The following CCNJL variants were observed in gnomAD, a reference collection of about 807,000 sequenced individuals.
CCNJL encodes the protein cyclin J like, also known as cyclin-J-like protein.
In CCNJL, 33 loss-of-function variants were observed where a neutral mutation model predicts 33.4. That is an observed-to-expected ratio of 0.99 (90% CI 0.75 to 1.32). The LOEUF (loss-of-function observed/expected upper bound fraction) is 1.32. CCNJL is among the 40% of genes most tolerant of loss of function. The probability of loss-of-function intolerance (pLI) is 0.00; values close to 1 mark genes in which losing one functional copy is unlikely to be tolerated. For synonymous variants in CCNJL, 227 were observed against 220.9 expected (o/e 1.03, Z -0.24); for missense variants, 512 against 499.7 (o/e 1.02, Z -0.23).
At chr5:160,258,912 G>C (rs934499486) in intron 4 of CCNJL, among the ~76,000 whole-genome samples, 2 of 152,132 alleles carry the variant, frequency 1.3e-5, no homozygotes, top group East Asian at 3.9e-4. Context: ...GGCCAGGATG[G>C]TCCCGATCTC....
intron 1 of CCNJL, among the ~76,000 whole-genome samples, chr5:160,326,203 G>A (rs1763533472): frequency 6.6e-6 from 1 of 151,966 alleles, no homozygotes; most frequent in African/African-American, 2.4e-5. Flanking sequence ...GTGGGGTGTG[G>A]GTAGGACAAG....
intron 2 of CCNJL, among the ~76,000 whole-genome samples, chr5:160,310,219 A>G (rs1763218480): frequency 6.6e-6 from 1 of 152,276 alleles, no homozygotes; most frequent in East Asian, 1.9e-4. Flanking sequence ...CCTCCTCCAG[A>G]AAAGGGCCAG....
At chr5:160,322,399 C>A (rs1441872361) in intron 1 of CCNJL, among the ~76,000 whole-genome samples, 1 of 152,134 alleles carries the variant, frequency 6.6e-6, no homozygotes, top group African/African-American at 2.4e-5. Flanking sequence ...ACCCCAGATT[C>A]CTTCTTTCCA....
At chr5:160,309,776 A>G (rs1763205638) in intron 2 of CCNJL, among the ~76,000 whole-genome samples, 1 of 152,202 alleles carries the variant, frequency 6.6e-6, no homozygotes, top group Non-Finnish European at 1.5e-5. Context: ...CATTATAACC[A>G]AAGGAACTTG....
chr5:160,303,350 C>A (rs28481746), intron 2 of CCNJL, among the ~76,000 whole-genome samples: 8,149 of 152,044 alleles, frequency 0.054, 772 homozygotes, highest in African/African-American at 0.19. Flanking sequence ...GGATTACAGG[C>A]ACTCATCACC....
rs1763299625 is a variant in CCNJL, at chr5:160,312,418, C to G, written c.-104G>C. On this transcript the variant is annotated 5_prime_UTR_variant, in exon 1 of 6. Coordinates refer to ENST00000257536, the MANE Select transcript of CCNJL (RefSeq NM_001308173.3). Reference sequence around the variant, plus strand: ...GCGCCGGGCCCCTCCCAGTGCCGAGCCAGCCGTGCCCTCTGGTGCCTGCCG... The same window carrying G: ...GCGCCGGGCCCCTCCCAGTGCCGAGGCAGCCGTGCCCTCTGGTGCCTGCCG... 1 of 154,328 alleles carries G rather than the reference C, an allele frequency of 6.5e-6. No individual in the cohort carries two copies. The highest frequency in any genetic ancestry group is 2.4e-5 in the African/African-American group (1 of 41,458). The allele number at this position is 154,328 out of a possible 1,614,324, so 9.6% of individuals were successfully genotyped here.
At chr5:160,313,722 A>G (rs1359035243), upstream of CCNJL, among the ~76,000 whole-genome samples, 1 of 152,242 alleles carries the variant, frequency 6.6e-6, no homozygotes. Context: ...GCTTGAAGGA[A>G]TAGAGGCACA....
upstream of CCNJL, among the ~76,000 whole-genome samples, chr5:160,316,709 C>T (rs1763385148): frequency 6.6e-6 from 1 of 152,190 alleles, no homozygotes; most frequent in Non-Finnish European, 1.5e-5. Flanking sequence ...AGGTAGCATA[C>T]TCTACACATC....
At chr5:160,270,210 G>A (rs1761776926) in intron 3 of CCNJL, among the ~76,000 whole-genome samples, 4 of 152,092 alleles carry the variant, frequency 2.6e-5, no homozygotes, top group South Asian at 4.1e-4. Context: ...TTGGGAGGCC[G>A]GGGCGGGCAG....
chr5:160,328,024 T>C (rs1043257445), intron 1 of CCNJL, among the ~76,000 whole-genome samples: 2 of 152,158 alleles, frequency 1.3e-5, no homozygotes, highest in Non-Finnish European at 2.9e-5. Flanking sequence ...AATCCAGCCA[T>C]GCCCCGGCTA....
chr5:160,311,977 G>T lies in CCNJL; in HGVS notation c.-49-5C>A. 6.5e-7 allele frequency: 1 copy of T among 1,544,496 alleles called. No homozygotes were observed. Among genetic ancestry groups the T allele is most frequent in the South Asian group, 1.1e-5 (1 of 89,652 alleles). On this transcript the variant is annotated splice_region_variant and splice_polypyrimidine_tract_variant and intron_variant, in intron 1 of 5. Transcript: ENST00000257536. ...ACCCGGCTCTCAGGGCGCACCCTGCGTGGACACGGGCAACTTCAGCGGCCA... is the reference window on the plus strand; with the variant it reads ...ACCCGGCTCTCAGGGCGCACCCTGCTTGGACACGGGCAACTTCAGCGGCCA...
rs1257939139 is a variant in CCNJL at position 160,251,963 on chromosome 5, C to T, written c.*1415G>A. On this transcript the variant is annotated 3_prime_UTR_variant, in exon 6 of 6. Transcript: ENST00000257536. ...AGATTCACCACCTTCCGATCTGACT[C>T]AGCAGCAGACAGCTGCCTTCCTGGC... 1 of 152,264 alleles carries T rather than the reference C, an allele frequency of 6.6e-6. No homozygotes were observed. The highest frequency in any genetic ancestry group is 3.2e-3 in the Middle Eastern group (1 of 316). The allele number at this position is 152,264 out of a possible 1,614,324, so 9.4% of individuals were successfully genotyped here. A position where few individuals can be genotyped will look rare whatever the true frequency, so the allele number is the denominator to read the frequency against.
At chr5:160,256,693 G>A (rs1761076774) in intron 4 of CCNJL, among the ~76,000 whole-genome samples, 2 of 151,838 alleles carry the variant, frequency 1.3e-5, no homozygotes, top group Admixed American at 6.6e-5. Flanking sequence ...CAAGGCAGGT[G>A]GATCACGAGG....
At chr5:160,287,535 G>A (rs1762448219) in intron 2 of CCNJL, among the ~76,000 whole-genome samples, 3 of 152,210 alleles carry the variant, frequency 2.0e-5, no homozygotes, top group Admixed American at 2.0e-4. Context: ...TGATCACTTC[G>A]CTAACCCAAT....
At chr5:160,288,829 TA>T (rs33916362) in intron 2 of CCNJL, among the ~76,000 whole-genome samples, 15,948 of 89,480 alleles carry the variant, frequency 0.18, 1,711 homozygotes, top group African/African-American at 0.4. Context: ...AGACTCTGTC[TA>T]AAAAAAAAAA....
chr5:160,333,480 A>G (rs1763636194), intron 1 of CCNJL, among the ~76,000 whole-genome samples: 1 of 151,396 alleles, frequency 6.6e-6, no homozygotes, highest in Admixed American at 6.6e-5. Flanking sequence ...AGTCCCAGCT[A>G]CTCAGAAGGC....
At chr5:160,273,835 G>A (rs1761920590) in intron 3 of CCNJL, among the ~76,000 whole-genome samples, 1 of 151,824 alleles carries the variant, frequency 6.6e-6, no homozygotes, top group African/African-American at 2.4e-5. Flanking sequence ...TTTTAGTAGA[G>A]AAGGGGTTTC....
intron 3 of CCNJL, among the ~76,000 whole-genome samples, chr5:160,277,677 C>T (rs181978033): frequency 6.6e-6 from 1 of 151,980 alleles, no homozygotes; most frequent in Admixed American, 6.6e-5. Flanking sequence ...CTGGCTGAGC[C>T]CTGTTGGACG....
rs566401205 is a variant in CCNJL, at chr5:160,324,331, G to A, written n.207-8826C>T. Among the ~76,000 whole-genome samples the A allele has an allele frequency of 9.2e-5, 14 of 152,036 alleles. No homozygotes were observed. In the South Asian group the frequency reaches 2.3e-3, roughly 25 times the overall value. On this transcript the variant is annotated intron_variant and non_coding_transcript_variant, in intron 1 of 7. Coordinates refer to the CCNJL transcript ENST00000377503. The stretch of plus-strand genomic sequence containing the variant: ...CTCATGCCTGTAATCCCAGCACTTT[G>A]GGAGGCCGAGGCAGGCGGATCACCT...
Sources: gnomAD v4.1 joint callset for allele counts (sites outside exome capture counted in the v4.1 genomes callset) on GRCh38, gnomAD v4.1.1 for gene constraint, MANE v1.5 for transcripts, NCBI Gene and HGNC (gene_info 2026-07-23, HGNC 2026-07-21) for gene names.